TAFA5: variants seen among roughly 807,000 people sequenced by gnomAD.
The protein encoded by TAFA5 is chemokine-like protein TAFA-5.
A neutral mutation model predicts 15.3 loss-of-function variants in TAFA5; 6 were observed. The ratio of observed to expected loss-of-function variants is 0.39; its 90% confidence interval spans 0.21 to 0.77. The LOEUF (loss-of-function observed/expected upper bound fraction) is 0.77. TAFA5 is among the 30% of genes least tolerant of loss of function. The pLI is 0.41. For synonymous variants in TAFA5, 103 were observed against 80.7 expected (o/e 1.28, Z -1.48); for missense variants, 161 against 193.1 (o/e 0.83, Z 0.98).
intron 2 of TAFA5, among the ~76,000 whole-genome samples, chr22:48,666,728 C>G (rs889850083): frequency 2.6e-5 from 4 of 152,184 alleles, no homozygotes; most frequent in African/African-American, 7.2e-5. Flanking sequence ...AACCCCTTGT[C>G]GGAGCGGGTT....
intron 3 of TAFA5, among the ~76,000 whole-genome samples, chr22:48,727,140 A>T (rs1441099811): frequency 6.6e-6 from 1 of 152,214 alleles, no homozygotes; most frequent in African/African-American, 2.4e-5. Context: ...AAAAGGTCAC[A>T]TGTAAGATGA....
chr22:48,601,207 C>A (rs1270599563), intron 1 of TAFA5, among the ~76,000 whole-genome samples: 4 of 143,730 alleles, frequency 2.8e-5, no homozygotes, highest in African/African-American at 7.7e-5. Context: ...CTCGGTATTA[C>A]CCCTAGTTCC....
intron 1 of TAFA5, among the ~76,000 whole-genome samples, chr22:48,603,762 A>C (rs1312090384): frequency 1.3e-5 from 2 of 152,274 alleles, no homozygotes; most frequent in Admixed American, 1.3e-4. Flanking sequence ...TCATCATAAC[A>C]CAGGCACTGC....
At chr22:48,715,431 C>T (rs549661849) in intron 3 of TAFA5, among the ~76,000 whole-genome samples, 69 of 152,290 alleles carry the variant, frequency 4.5e-4, no homozygotes, top group Non-Finnish European at 8.1e-4. Context: ...GGACATGCAT[C>T]CAGACACAGG....
intron 1 of TAFA5, among the ~76,000 whole-genome samples, chr22:48,539,635 C>T (rs1049293715): frequency 5.3e-5 from 8 of 152,130 alleles, no homozygotes; most frequent in African/African-American, 1.7e-4. Context: ...ACAGCCAGGT[C>T]GGTGCCACCC....
intron 2 of TAFA5, among the ~76,000 whole-genome samples, chr22:48,674,426 T>C (rs1369963959): frequency 2.0e-5 from 3 of 152,214 alleles, no homozygotes; most frequent in East Asian, 1.9e-4. Context: ...GGATCTGCTC[T>C]TCCTGCCTCT....
At chr22:48,639,408 G>A (rs1926593406) in intron 1 of TAFA5, among the ~76,000 whole-genome samples, 1 of 152,238 alleles carries the variant, frequency 6.6e-6, no homozygotes, top group Non-Finnish European at 1.5e-5. Flanking sequence ...TATTCATCCT[G>A]TCATCCGTCA....
chr22:48,604,462 C>G (rs1443535959), intron 1 of TAFA5, among the ~76,000 whole-genome samples: 2 of 152,326 alleles, frequency 1.3e-5, no homozygotes, highest in South Asian at 2.1e-4. Context: ...TCCCGCCCAG[C>G]AGGGACTTTG....
chr22:48,692,201 C>T (rs889078299), intron 2 of TAFA5, among the ~76,000 whole-genome samples: 1 of 152,036 alleles, frequency 6.6e-6, no homozygotes, highest in Non-Finnish European at 1.5e-5. Context: ...AGAGCTGCCT[C>T]CAGCCTGCAG....
intron 3 of TAFA5, among the ~76,000 whole-genome samples, chr22:48,715,201 G>T (rs1223881311): frequency 1.3e-5 from 2 of 152,224 alleles, no homozygotes; most frequent in Non-Finnish European, 2.9e-5. Flanking sequence ...CATGAGTTGG[G>T]GGCCACAGGG....
intron 1 of TAFA5, among the ~76,000 whole-genome samples, chr22:48,576,053 C>T (rs1435167073): frequency 9.0e-6 from 1 of 111,494 alleles, no homozygotes; most frequent in East Asian, 2.6e-4. Context: ...CCCCCCCCCC[C>T]GCGCCGCCCG....
At chr22:48,637,712 T>C (rs1356780090) in intron 1 of TAFA5, among the ~76,000 whole-genome samples, 1 of 152,058 alleles carries the variant, frequency 6.6e-6, no homozygotes, top group Non-Finnish European at 1.5e-5. Flanking sequence ...GTGGGGCATG[T>C]GGTGTGTCTG....
chr22:48,560,234 C>T lies in TAFA5; in HGVS notation c.112+70530C>T, dbSNP rs1264999863. Among the ~76,000 whole-genome samples the T allele has an allele frequency of 1.3e-5, 2 of 152,220 alleles. No individual in the cohort carries two copies. The highest frequency in any genetic ancestry group is 1.9e-4 in the East Asian group (1 of 5,192). On this transcript the variant is annotated intron_variant, in intron 1 of 3. Coordinates refer to ENST00000402357, the MANE Select transcript of TAFA5 (RefSeq NM_001082967.3). This position sits in a 1 kb window ranked among gnomAD's most constrained non-coding sequence, Gnocchi z 4.2. ...GGGCGGGGGTGTGATGTGGCTGAGGCGTCTGTCCCTGTCGTGCGCCCAGGC... is the reference window on the plus strand; with the variant it reads ...GGGCGGGGGTGTGATGTGGCTGAGGTGTCTGTCCCTGTCGTGCGCCCAGGC...
intron 2 of TAFA5, among the ~76,000 whole-genome samples, chr22:48,677,289 G>A (rs1013832800): frequency 1.3e-5 from 2 of 152,252 alleles, no homozygotes; most frequent in African/African-American, 2.4e-5. Flanking sequence ...GACCCTGCCC[G>A]CCCGCTGTGC....
At chr22:48,512,983 TAAC>T (rs1921278266) in intron 1 of TAFA5, among the ~76,000 whole-genome samples, 1 of 144,068 alleles carries the variant, frequency 6.9e-6, no homozygotes, top group African/African-American at 2.6e-5. Flanking sequence ...AAGAGGAAAG[TAAC>T]AACATTTGAA....
chr22:48,617,352 G>C (rs144393708), intron 1 of TAFA5, among the ~76,000 whole-genome samples: 1 of 151,832 alleles, frequency 6.6e-6, no homozygotes, highest in East Asian at 1.9e-4. Flanking sequence ...TCTCCCCAGA[G>C]ACCTTAGAAG....
At chr22:48,531,109 CGTGG>C (rs1921955949) in intron 1 of TAFA5, among the ~76,000 whole-genome samples, 1 of 152,162 alleles carries the variant, frequency 6.6e-6, no homozygotes, top group Admixed American at 6.5e-5. Flanking sequence ...TGCCTGCCGA[CGTGG>C]CTGGGCCTGT....
chr22:48,695,122 G>A lies in TAFA5; in HGVS notation c.263-12595G>A, dbSNP rs542882839. Among the ~76,000 whole-genome samples, 14 of 152,126 alleles carry A rather than the reference G, an allele frequency of 9.2e-5. No individual in the cohort carries two copies. The East Asian group carries it at 2.7e-3, about 30-fold the overall frequency. ...GAGGCCAGGTGGTGTGTGTGTCTTT[G>A]TGTGTCTGCATTGAGTGCTTGTGCA... is the stretch of plus-strand genomic sequence containing the variant. On this transcript the variant is annotated intron_variant, in intron 2 of 3. Coordinates refer to ENST00000402357, the MANE Select transcript of TAFA5 (RefSeq NM_001082967.3).
chr22:48,648,036 C>T (rs769474753), intron 2 of TAFA5, among the ~76,000 whole-genome samples: 24 of 152,238 alleles, frequency 1.6e-4, no homozygotes, highest in Non-Finnish European at 2.6e-4. Context: ...GGAGTAGGGC[C>T]GAGGATATGT....
Sources: allele counts gnomAD v4.1 joint callset (sites outside exome capture counted in the v4.1 genomes callset), GRCh38; gene constraint gnomAD v4.1.1; non-coding constraint Gnocchi (gnomAD v3.1); transcripts MANE v1.5; gene names NCBI Gene and HGNC (gene_info 2026-07-23, HGNC 2026-07-21).